Variants in UGT1A3 observed in about 807,000 individuals in gnomAD.
UGT1A3 encodes UDP-glucuronosyltransferase 1A3.
A neutral mutation model predicts 41.0 loss-of-function variants in UGT1A3; 31 were observed. The observed-to-expected ratio is 0.76, with a 90% CI of 0.57 to 1.02. The LOEUF (loss-of-function observed/expected upper bound fraction) is 1.02. UGT1A3 is among the 50% of genes least tolerant of loss of function. The pLI is 0.00. For synonymous variants in UGT1A3, 262 were observed against 257.6 expected, an observed-to-expected ratio of 1.02 and a Z score of -0.17; for missense variants, 737 against 671.0, an observed-to-expected ratio of 1.10 and a Z score of -1.09.
intron 1 of UGT1A3, among the ~76,000 whole-genome samples, chr2:233,765,334 TAAC>T (rs1239541467): frequency 6.6e-6 from 1 of 152,144 alleles, no homozygotes; most frequent in African/African-American, 2.4e-5. Flanking sequence ...CTATTCACAA[TAAC>T]AAAGTCATGG....
At chr2:233,744,012 G>A (rs541267003) in intron 1 of UGT1A3, 46 of 1,089,708 alleles carry the variant, frequency 4.2e-5, no homozygotes, top group Non-Finnish European at 4.8e-5. Context: ...GACCTGGGCC[G>A]CCTGGAGAGA....
chr2:233,732,720 A>G lies in UGT1A3; in HGVS notation c.867+2727A>G, dbSNP rs554458452. On this transcript the variant is annotated intron_variant, in intron 1 of 4. Transcript: ENST00000482026. ...TTTTGTTACTGTAGCCTTGTAGTAC[A>G]GTTTGAAGTCAGGTAGCATGATGCC... Among the ~76,000 whole-genome samples, 386 of 148,730 alleles carry G rather than the reference A, an allele frequency of 2.6e-3. 1 individual carries two copies. The highest frequency in any genetic ancestry group is 3.9e-3 in the Non-Finnish European group (263 of 67,550).
At chr2:233,744,115 T>G (rs556316328) in intron 1 of UGT1A3, 2 of 367,954 alleles carry the variant, frequency 5.4e-6, no homozygotes, top group East Asian at 1.5e-4. Flanking sequence ...CCCTGCTCTC[T>G]GTGAGGCTCT....
intron 1 of UGT1A3, chr2:233,743,185 G>T (rs546323978): frequency 5.4e-6 from 2 of 372,628 alleles, no homozygotes; most frequent in Non-Finnish European, 1.1e-5. Flanking sequence ...ATGTGGACTG[G>T]AATTACTTGG....
chr2:233,743,960 G>C (rs745723342), intron 1 of UGT1A3: 11 of 1,334,214 alleles, frequency 8.2e-6, no homozygotes, highest in Non-Finnish European at 1.1e-5. Flanking sequence ...CACAGCGAGC[G>C]GCAAGGCTGC....
chr2:233,767,582 C>A (rs1315665394), intron 2 of UGT1A3, among the ~76,000 whole-genome samples: 1 of 152,138 alleles, frequency 6.6e-6, no homozygotes, highest in Non-Finnish European at 1.5e-5. Context: ...CAAACTTTCC[C>A]TTAAAGTGCA....
chr2:233,765,140 A>C lies in UGT1A3; in HGVS notation c.868-1894A>C, dbSNP rs1698761038. 3.3e-5 allele frequency among the ~76,000 whole-genome samples: 5 copies of C among 152,146 alleles called. No individual in the cohort carries two copies. In the South Asian group the frequency reaches 1.0e-3, roughly 32 times the overall value. ...TGTTCAGGTTTTAGCACTGAACATCACATGTCCTAGGGAACCCCTCAGTTT... is the reference window on the plus strand; with the variant it reads ...TGTTCAGGTTTTAGCACTGAACATCCCATGTCCTAGGGAACCCCTCAGTTT... On this transcript the variant is annotated intron_variant, in intron 1 of 4. Transcript: ENST00000482026.
intron 1 of UGT1A3, among the ~76,000 whole-genome samples, chr2:233,753,939 G>C (rs753977947): frequency 3.0e-4 from 45 of 152,164 alleles, no homozygotes; most frequent in Non-Finnish European, 6.2e-4. Flanking sequence ...GGATTCAAAT[G>C]TATGACCTCC....
chr2:233,755,294 G>A, intron 1 of UGT1A3: 1 of 630,960 alleles, frequency 1.6e-6, no homozygotes. Flanking sequence ...GAGCCTGCGG[G>A]GCACTGGCAC....
intron 1 of UGT1A3, 145 bp downstream of exon 1, chr2:233,730,138 A>G (rs1337781035): frequency 1.2e-5 from 19 of 1,525,120 alleles, no homozygotes; most frequent in African/African-American, 8.3e-5. Flanking sequence ...CTTCAGTGAG[A>G]TAAACTGTTA....
chr2:233,768,399 G>A lies in UGT1A3; in HGVS notation c.1267G>A (p.Asp423Asn). ...TLNVLEMTSE[D>N]LENALKAVIN... ...GAATGTTCTGGAAATGACTTCTGAA[G>A]ATTTAGAAAATGCTCTAAAAGCAGT... Residue 423 changes from aspartate to asparagine, a missense_variant, in exon 4 of 5, where the codon GAT (aspartate) becomes AAT (asparagine). Physicochemically the swap from Asp to Asn is conservative, Grantham distance 23 (BLOSUM62 1). Coordinates refer to ENST00000482026, the MANE Select transcript of UGT1A3 (RefSeq NM_019093.4). 2 of 1,614,194 alleles carry A rather than the reference G, an allele frequency of 1.2e-6. No individual in the cohort carries two copies. Among genetic ancestry groups the A allele is most frequent in the African/African-American group, 2.7e-5 (2 of 75,034 alleles).
At chr2:233,751,284 C>T (rs2125910404) in intron 1 of UGT1A3, among the ~76,000 whole-genome samples, 1 of 152,008 alleles carries the variant, frequency 6.6e-6, no homozygotes, top group East Asian at 1.9e-4. Flanking sequence ...CCAGTTTCTC[C>T]CATTTGGAAT....
chr2:233,754,024 C>T (rs763970261), intron 1 of UGT1A3, among the ~76,000 whole-genome samples: 4 of 152,198 alleles, frequency 2.6e-5, no homozygotes, highest in Non-Finnish European at 5.9e-5. Flanking sequence ...TGATAGGAAA[C>T]GAATGCATCC....
intron 1 of UGT1A3, chr2:233,743,409 A>G: frequency 7.6e-7 from 1 of 1,312,950 alleles, no homozygotes; most frequent in Non-Finnish European, 1.0e-6. Context: ...AAAGGCCCCC[A>G]CTTCCCAGGG....
At chr2:233,766,708 C>G (rs538087868) in intron 1 of UGT1A3, among the ~76,000 whole-genome samples, 1 of 152,196 alleles carries the variant, frequency 6.6e-6, no homozygotes, top group East Asian at 1.9e-4. Context: ...GCTCTGTGTT[C>G]TCTAAGTGGA....
intron 1 of UGT1A3, chr2:233,755,373 C>A (rs534555830): frequency 2.8e-6 from 1 of 357,666 alleles, no homozygotes; most frequent in South Asian, 2.2e-5. Context: ...GCCTGGAGGG[C>A]CGCCCCTTAT....
intron 1 of UGT1A3, among the ~76,000 whole-genome samples, chr2:233,748,613 G>C (rs1489441058): frequency 6.6e-6 from 1 of 151,820 alleles, no homozygotes; most frequent in South Asian, 2.1e-4. Flanking sequence ...AGCAACGAAC[G>C]TGGGATATAT....
intron 1 of UGT1A3, chr2:233,761,147 C>T (rs1264463667): frequency 1.4e-5 from 23 of 1,614,204 alleles, no homozygotes; most frequent in Non-Finnish European, 1.8e-5. Context: ...AATCCACTAT[C>T]CCAGGTGTGT....
chr2:233,749,248 ATTT>A (rs1216234192), intron 1 of UGT1A3, among the ~76,000 whole-genome samples: 1 of 151,808 alleles, frequency 6.6e-6, no homozygotes, highest in Non-Finnish European at 1.5e-5. Context: ...AAACCACATG[ATTT>A]TTTTATTGGT....
Sources: gnomAD v4.1 joint callset for allele counts (sites outside exome capture counted in the v4.1 genomes callset) on GRCh38, gnomAD v4.1.1 for gene constraint, MANE v1.5 for transcripts, NCBI Gene and HGNC (gene_info 2026-07-23, HGNC 2026-07-21) for gene names.